The following PPP1R12B variants were observed in gnomAD, a reference collection of about 807,000 sequenced individuals.
PPP1R12B encodes protein phosphatase 1 regulatory subunit 12B.
Under a neutral mutation model 126.1 loss-of-function variants are expected in PPP1R12B, and 76 were observed. The observed-to-expected ratio is 0.60, with a 90% CI of 0.50 to 0.73. The LOEUF (loss-of-function observed/expected upper bound fraction) is 0.73. Ranked by LOEUF, PPP1R12B falls within the 30% of genes least tolerant of loss-of-function variation. The pLI is 0.00. For synonymous variants in PPP1R12B, 356 were observed against 434.7 expected (o/e 0.82, Z 2.25); for missense variants, 1,052 against 1,205.1 (o/e 0.87, Z 1.88).
At chr1:202,555,463 TA>T (rs59737329) in intron 18 of PPP1R12B, among the ~76,000 whole-genome samples, 1,459 of 61,420 alleles carry the variant, frequency 0.024, 14 homozygotes, top group Middle Eastern at 0.066. Context: ...AAGAAGAAAC[TA>T]AAAAAAAAAA....
At chr1:202,506,744 T>C (rs1287777979) in intron 18 of PPP1R12B, among the ~76,000 whole-genome samples, 1 of 152,210 alleles carries the variant, frequency 6.6e-6, no homozygotes, top group Admixed American at 6.5e-5. Context: ...AAAACTCTGC[T>C]GGAGCTTTTT....
chr1:202,372,787 TAAAA>T (rs896058918), intron 1 of PPP1R12B, among the ~76,000 whole-genome samples: 1 of 151,692 alleles, frequency 6.6e-6, no homozygotes, highest in Non-Finnish European at 1.5e-5. Context: ...TAAAAAAAAA[TAAAA>T]AAGTAAAAAA....
intron 1 of PPP1R12B, among the ~76,000 whole-genome samples, chr1:202,404,743 C>T (rs1306823304): frequency 6.6e-6 from 1 of 152,190 alleles, no homozygotes; most frequent in Non-Finnish European, 1.5e-5. Flanking sequence ...CCTCATGATC[C>T]GCCCACCTTG....
chr1:202,480,492 T>C (rs1345121708), intron 13 of PPP1R12B, among the ~76,000 whole-genome samples: 1 of 152,202 alleles, frequency 6.6e-6, no homozygotes, highest in Non-Finnish European at 1.5e-5. Context: ...GGTCAAACAA[T>C]GGGTATTCAC....
At chr1:202,408,021 T>A (rs1262574429) in intron 1 of PPP1R12B, among the ~76,000 whole-genome samples, 2 of 152,204 alleles carry the variant, frequency 1.3e-5, no homozygotes, top group Admixed American at 1.3e-4. Flanking sequence ...ATTTAAAGTA[T>A]CTGGAAGGAT....
At chr1:202,406,962 C>T (rs1334527760) in intron 1 of PPP1R12B, among the ~76,000 whole-genome samples, 3 of 152,146 alleles carry the variant, frequency 2.0e-5, no homozygotes, top group African/African-American at 7.2e-5. Context: ...TTAGAATTAT[C>T]AGTGAGTAAC....
At chr1:202,375,301 A>G (rs767370999) in intron 1 of PPP1R12B, among the ~76,000 whole-genome samples, 1 of 152,216 alleles carries the variant, frequency 6.6e-6, no homozygotes, top group Non-Finnish European at 1.5e-5. Flanking sequence ...CACCTTTCTT[A>G]AAATCTTTCA....
chr1:202,438,555 G>T (rs538185917), intron 10 of PPP1R12B: 121 of 434,020 alleles, frequency 2.8e-4, no homozygotes, highest in African/African-American at 2.0e-3. Flanking sequence ...GACAGCCCCC[G>T]GTGGAAGAGG....
In PPP1R12B at chr1:202,567,839, C is replaced by T; in HGVS notation, c.2811+8C>T. ...CTGGAGATGGAGAAACGGGTATGCG[C>T]ATGTCTGTTTCCCCCTCCACCCCAT... On this transcript the variant is annotated splice_region_variant and intron_variant, in intron 22 of 23. Transcript: ENST00000608999. 6.2e-7 allele frequency: 1 copy of T among 1,613,686 alleles called. No individual in the cohort carries two copies. Among genetic ancestry groups the T allele is most frequent in the Non-Finnish European group, 8.5e-7 (1 of 1,179,628 alleles).
chr1:202,516,220 A>G (rs1255585600), intron 18 of PPP1R12B, among the ~76,000 whole-genome samples: 4 of 152,216 alleles, frequency 2.6e-5, no homozygotes, highest in South Asian at 4.1e-4. Context: ...AGTGCTGGTC[A>G]TAGTGATGAA....
intron 1 of PPP1R12B, among the ~76,000 whole-genome samples, chr1:202,392,050 C>T (rs1342202707): frequency 2.1e-5 from 1 of 48,066 alleles, no homozygotes. Flanking sequence ...TTCAGGTGTA[C>T]TGAAGATAAA....
intron 8 of PPP1R12B, among the ~76,000 whole-genome samples, chr1:202,433,831 C>T (rs923079131): frequency 2.0e-5 from 3 of 152,178 alleles, no homozygotes; most frequent in East Asian, 1.9e-4. Context: ...TCTAGCACTG[C>T]CTACTTAACT....
At chr1:202,501,241 T>C (rs1469851692) in intron 18 of PPP1R12B, among the ~76,000 whole-genome samples, 3 of 152,246 alleles carry the variant, frequency 2.0e-5, no homozygotes, top group Admixed American at 2.0e-4. Context: ...GTGTGTTTGC[T>C]GTTTTCTTTA....
intron 7 of PPP1R12B, 76 bp from the exon 8 acceptor site, chr1:202,431,404 G>A: frequency 8.0e-7 from 1 of 1,250,030 alleles, no homozygotes; most frequent in Non-Finnish European, 1.1e-6. Flanking sequence ...TCCACATATA[G>A]GTTTATAGAC....
rs754422576 is a variant in PPP1R12B at position 202,449,111 on chromosome 1, C to G, written c.1790C>G (p.Ala597Gly). Residue 597 changes from alanine (A) to glycine (G), a missense_variant, in exon 13 of 24, where the codon GCT (alanine) becomes GGT (glycine). By Grantham distance (60) the Ala-to-Gly change is moderately conservative (BLOSUM62 0). Transcript: ENST00000608999. ...PLPSTANGVT[A>G]TPVLSITGTD... ...CCTAGCACTGCCAATGGGGTTACAG[C>G]TACTCCTGTGCTCTCCATTACTGGA... The G allele has an allele frequency of 3.1e-6, 5 of 1,613,818 alleles. No individual in the cohort carries two copies. Among genetic ancestry groups the G allele is most frequent in the Non-Finnish European group, 4.2e-6 (5 of 1,179,810 alleles).
intron 13 of PPP1R12B, among the ~76,000 whole-genome samples, chr1:202,461,209 AG>A (rs951353764): frequency 6.6e-6 from 1 of 151,950 alleles, no homozygotes; most frequent in Non-Finnish European, 1.5e-5. Flanking sequence ...AAAAAAAAAA[AG>A]AATAGTCCAG....
At chr1:202,486,972 G>A (rs1433303905) in intron 13 of PPP1R12B, among the ~76,000 whole-genome samples, 3 of 152,120 alleles carry the variant, frequency 2.0e-5, no homozygotes, top group Admixed American at 6.5e-5. Flanking sequence ...TCACAAAGCT[G>A]ACCAGCATAT....
chr1:202,534,618 G>C (rs953889288), intron 18 of PPP1R12B, among the ~76,000 whole-genome samples: 30 of 135,884 alleles, frequency 2.2e-4, no homozygotes, highest in Admixed American at 1.5e-3. Context: ...GAGAAACCTA[G>C]TTGCCATTTT....
intron 18 of PPP1R12B, among the ~76,000 whole-genome samples, chr1:202,500,578 A>T (rs1680114595): frequency 6.6e-6 from 1 of 152,172 alleles, no homozygotes; most frequent in South Asian, 2.1e-4. Flanking sequence ...TGGTTACTGG[A>T]GTCTGGAAAA....
Sources: allele counts gnomAD v4.1 joint callset (sites outside exome capture counted in the v4.1 genomes callset), GRCh38; gene constraint gnomAD v4.1.1; transcripts MANE v1.5; gene names NCBI Gene and HGNC (gene_info 2026-07-23, HGNC 2026-07-21).